Variants in PLA2G4A observed in about 807,000 individuals in gnomAD.
PLA2G4A encodes the protein phospholipase A2 group IVA, also known as cytosolic phospholipase A2.
In PLA2G4A, 40 loss-of-function variants were observed where a neutral mutation model predicts 81.9. The observed-to-expected ratio is 0.49, with a 90% CI of 0.38 to 0.64. The LOEUF (loss-of-function observed/expected upper bound fraction) is 0.64. PLA2G4A is among the 30% of genes least tolerant of loss of function. The pLI, the probability that PLA2G4A is intolerant of heterozygous loss-of-function variation, is 0.00. For synonymous variants in PLA2G4A, 302 were observed against 296.9 expected, an observed-to-expected ratio of 1.02 and a Z score of -0.18; for missense variants, 715 against 905.1, an observed-to-expected ratio of 0.79 and a Z score of 2.69.
At chr1:186,962,065 C>T (rs1656965369) in intron 14 of PLA2G4A, among the ~76,000 whole-genome samples, 1 of 152,104 alleles carries the variant, frequency 6.6e-6, no homozygotes, top group Non-Finnish European at 1.5e-5. Context: ...CAGTGGCCAT[C>T]TCAGTTAACC....
Position 186,921,002 on chromosome 1 carries a change from T to C in PLA2G4A, c.558+9613T>C, listed in dbSNP as rs138909378. 2.0e-4 allele frequency among the ~76,000 whole-genome samples: 31 copies of C among 152,364 alleles called. No homozygotes were observed. The East Asian group carries it at 5.8e-3, about 28-fold the overall frequency. On this transcript the variant is annotated intron_variant, in intron 7 of 17. Transcript: ENST00000367466. ...CTATTTGGATCAAAAGGAGTGTACA[T>C]AGGGTAAGCCTCACACAGTCTTTCA...
intron 3 of PLA2G4A, among the ~76,000 whole-genome samples, chr1:186,878,741 TATGTGTGTATTC>T (rs1653618005): frequency 6.6e-6 from 1 of 151,914 alleles, no homozygotes; most frequent in South Asian, 2.1e-4. Context: ...TTTGTTTGTG[TATGTGTGTATTC>T]ATGTGTTTTA....
chr1:186,964,956 C>T (rs1657081785), intron 14 of PLA2G4A, among the ~76,000 whole-genome samples: 1 of 152,202 alleles, frequency 6.6e-6, no homozygotes, highest in African/African-American at 2.4e-5. Flanking sequence ...AGTTGTGCCA[C>T]CTTCGAGATG....
At chr1:186,888,300 A>G (rs2102099055) in intron 3 of PLA2G4A, among the ~76,000 whole-genome samples, 1 of 152,244 alleles carries the variant, frequency 6.6e-6, no homozygotes, top group South Asian at 2.1e-4. Context: ...TAAAAATATG[A>G]CCCATTGAGA....
At chr1:186,863,026 A>G (rs1652872976) in intron 2 of PLA2G4A, among the ~76,000 whole-genome samples, 1 of 152,224 alleles carries the variant, frequency 6.6e-6, no homozygotes. Flanking sequence ...ATATTTGGGC[A>G]GTTGTTTCAT....
chr1:186,841,896 G>A (rs1196227754), intron 1 of PLA2G4A, among the ~76,000 whole-genome samples: 1 of 151,638 alleles, frequency 6.6e-6, no homozygotes, highest in African/African-American at 2.4e-5. Context: ...CTTGTGCTTC[G>A]TTTATGTAGA....
rs557761020 is a variant in PLA2G4A, at chr1:186,835,876, GCTTA to G, written c.-70+6846_-70+6849del. Among the ~76,000 whole-genome samples, 726 of 152,294 alleles carry G rather than the reference GCTTA, an allele frequency of 4.8e-3. 7 individuals carry two copies. Among genetic ancestry groups the G allele is most frequent in the Non-Finnish European group, 5.9e-3 (398 of 67,996 alleles). On this transcript the variant is annotated intron_variant, in intron 1 of 17. Coordinates refer to ENST00000367466, the MANE Select transcript of PLA2G4A (RefSeq NM_024420.3). ...AGATTTAATTGCAAATCTGTTGGAT[GCTTA>G]CTTATAATCTATTACTTGGTACTTA...
At chr1:186,852,556 T>C (rs1219926384) in intron 1 of PLA2G4A, among the ~76,000 whole-genome samples, 1 of 152,036 alleles carries the variant, frequency 6.6e-6, no homozygotes, top group Non-Finnish European at 1.5e-5. Context: ...GAGGCTATTC[T>C]TTTCTTTCAA....
intron 2 of PLA2G4A, among the ~76,000 whole-genome samples, chr1:186,857,681 C>T (rs1002289887): frequency 4.0e-5 from 6 of 150,690 alleles, no homozygotes; most frequent in African/African-American, 1.5e-4. Context: ...ATATATTTGC[C>T]ATGGTGGTTT....
At chr1:186,961,466 ATTAT>A (rs1329382756) in intron 14 of PLA2G4A, among the ~76,000 whole-genome samples, 2 of 149,986 alleles carry the variant, frequency 1.3e-5, no homozygotes, top group South Asian at 2.1e-4. Flanking sequence ...ATACGCAATT[ATTAT>A]TTGTCTACAA....
intron 7 of PLA2G4A, among the ~76,000 whole-genome samples, chr1:186,912,973 CTG>C (rs1655016404): frequency 6.7e-6 from 1 of 150,250 alleles, no homozygotes; most frequent in Non-Finnish European, 1.5e-5. Flanking sequence ...TAAAATTAAA[CTG>C]TGGAAATCAT....
intron 14 of PLA2G4A, among the ~76,000 whole-genome samples, chr1:186,958,358 A>T (rs1656828267): frequency 6.6e-6 from 1 of 152,132 alleles, no homozygotes; most frequent in Non-Finnish European, 1.5e-5. Flanking sequence ...CAGTGACATT[A>T]TTTTTCTTGT....
intron 7 of PLA2G4A, among the ~76,000 whole-genome samples, chr1:186,928,274 G>A (rs1655620099): frequency 6.6e-6 from 1 of 152,132 alleles, no homozygotes; most frequent in Non-Finnish European, 1.5e-5. Context: ...CAGGGTCAGG[G>A]AGAGGCAAGC....
At chr1:186,959,347 A>G (rs1656865915) in intron 14 of PLA2G4A, among the ~76,000 whole-genome samples, 1 of 37,546 alleles carries the variant, frequency 2.7e-5, no homozygotes, top group African/African-American at 1.3e-4. Context: ...ACATAAGGAA[A>G]TATATCATCC....
chr1:186,982,671 T>TTGTG (rs60587210), intron 17 of PLA2G4A, among the ~76,000 whole-genome samples: 2 of 150,774 alleles, frequency 1.3e-5, no homozygotes, highest in African/African-American at 2.4e-5. Flanking sequence ...TAACTCCTCT[T>TTGTG]TGTGTGTGTG....
chr1:186,909,266 G>A (rs1288516764), intron 6 of PLA2G4A, among the ~76,000 whole-genome samples: 3 of 150,698 alleles, frequency 2.0e-5, no homozygotes, highest in East Asian at 2.0e-4. Flanking sequence ...GAGCCACCGC[G>A]CCCGGCCTTT....
chr1:186,870,548 A>AT lies in PLA2G4A; in HGVS notation c.115+33dup, dbSNP rs772637107. ...GCCCTTTTTTTCTTTGCTGTTAAAC[A>AT]TGTAATTATGGTTCAGCCTTTAATT... On this transcript the variant is annotated intron_variant, in intron 3 of 17. Coordinates refer to ENST00000367466, the MANE Select transcript of PLA2G4A (RefSeq NM_024420.3). 2.1e-6 allele frequency: 3 copies of AT among 1,412,490 alleles called. No homozygotes were observed. In the South Asian group the frequency reaches 3.5e-5, roughly 16 times the overall value. The allele number at this position is 1,412,490 out of a possible 1,614,324, so 87.5% of individuals were successfully genotyped here.
At chr1:186,856,556 A>G (rs1652561550) in intron 2 of PLA2G4A, among the ~76,000 whole-genome samples, 1 of 151,722 alleles carries the variant, frequency 6.6e-6, no homozygotes, top group Non-Finnish European at 1.5e-5. Context: ...TGCCTGGCTA[A>G]TTTTCTTGTA....
intron 3 of PLA2G4A, among the ~76,000 whole-genome samples, chr1:186,873,077 G>T (rs1653341316): frequency 1.3e-5 from 2 of 152,048 alleles, no homozygotes; most frequent in African/African-American, 4.8e-5. Context: ...GAGTGCACAA[G>T]AGTCGGGAAG....
Sources: gnomAD v4.1 joint callset for allele counts (sites outside exome capture counted in the v4.1 genomes callset) on GRCh38, gnomAD v4.1.1 for gene constraint, MANE v1.5 for transcripts, NCBI Gene and HGNC (gene_info 2026-07-23, HGNC 2026-07-21) for gene names.